Variants in WDR62 observed in about 807,000 individuals in gnomAD.
WDR62 encodes the protein WD repeat domain 62, also known as WD repeat-containing protein 62.
WDR62 carries 112 observed loss-of-function variants against 160.6 expected under a neutral mutation model. The ratio of observed to expected loss-of-function variants is 0.70; its 90% CI spans 0.60 to 0.82. WDR62 has a LOEUF of 0.82. WDR62 is among the 40% of genes least tolerant of loss of function. The pLI, the probability that WDR62 is intolerant of heterozygous loss-of-function variation, is 0.00. For missense variants in WDR62, 1,819 were observed against 1,983.8 expected, an observed-to-expected ratio of 0.92 and a Z score of 1.58; for synonymous variants, 792 against 815.1, an observed-to-expected ratio of 0.97 and a Z score of 0.48.
At chr19:36,078,709 G>A (rs544414026) in intron 9 of WDR62, among the ~76,000 whole-genome samples, 5 of 151,464 alleles carry the variant, frequency 3.3e-5, no homozygotes, top group East Asian at 2.0e-4. Flanking sequence ...GGTGGCGGGC[G>A]CCTGTAATCC....
intron 21 of WDR62, among the ~76,000 whole-genome samples, chr19:36,098,909 G>A (rs1486668428): frequency 1.3e-5 from 2 of 152,096 alleles, no homozygotes; most frequent in African/African-American, 4.8e-5. Context: ...AACATAGTGA[G>A]AGTCCACCTC....
intron 7 of WDR62, among the ~76,000 whole-genome samples, chr19:36,069,582 A>G (rs576563918): frequency 1.3e-5 from 2 of 152,124 alleles, no homozygotes; most frequent in African/African-American, 2.4e-5. Context: ...CACTTCCCAG[A>G]CGGGGTGGCG....
chr19:36,090,179 G>A (rs933385389), intron 15 of WDR62, among the ~76,000 whole-genome samples: 2 of 152,212 alleles, frequency 1.3e-5, no homozygotes, highest in African/African-American at 4.8e-5. Flanking sequence ...GCAAAGCAGT[G>A]CAAAGAGGCT....
chr19:36,067,818 G>A lies in WDR62; in HGVS notation c.700-10G>A, dbSNP rs1306624643. ...GGACAAGTATCTCACTACGCCCTCT[G>A]TGTCTCCAGGTGACGAGCACAGTGC... On this transcript the variant is annotated splice_polypyrimidine_tract_variant and intron_variant, in intron 6 of 31. Transcript: ENST00000401500. The A allele has an allele frequency of 3.1e-6, 5 of 1,613,624 alleles. No homozygotes were observed. The East Asian group carries it at 1.1e-4, about 36-fold the overall frequency.
intron 9 of WDR62, 58 bp from the exon 10 acceptor site, chr19:36,081,375 C>T: frequency 7.6e-7 from 1 of 1,322,324 alleles, no homozygotes; most frequent in East Asian, 2.4e-5. Context: ...GAAAATGCAA[C>T]AGTAAGTCAT....
chr19:36,101,958 G>A (rs1261407588), intron 25 of WDR62, 56 bp from the exon 26 acceptor site: 8 of 1,612,364 alleles, frequency 5.0e-6, no homozygotes, highest in African/African-American at 2.7e-5. Context: ...TTCAGGTGGC[G>A]TCTGCTGTGA....
At position 36,092,793 on chromosome 19, in the gene WDR62, A is replaced by G. The variant is rs2145796413; in HGVS notation, c.2315A>G (p.Lys772Arg). The G allele has an allele frequency of 3.7e-6, 6 of 1,614,072 alleles. No homozygotes were observed. The highest frequency in any genetic ancestry group is 5.1e-6 in the Non-Finnish European group (6 of 1,179,992). The change falls in exon 19 of 32, where the codon AAG becomes AGG. Residue 772 changes from lysine (K) to arginine (R), a missense_variant. This residue lies in a region of WDR62 where 934 missense variants were observed against 1,157.2 expected (regional missense o/e 0.81). Coordinates refer to ENST00000401500, the MANE Select transcript of WDR62 (RefSeq NM_001083961.2). ...CAGCAGCAGCACACAAATGACAAGA[A>G]GCGGAGTGGCCACCCCAGGTCCTGG... ...RQQQQHTNDK[K>R]RSGHPRQDTY...
At chr19:36,084,441 GCTGCTGC>G (rs1289411645) in intron 11 of WDR62, among the ~76,000 whole-genome samples, 1 of 152,148 alleles carries the variant, frequency 6.6e-6, no homozygotes, top group Non-Finnish European at 1.5e-5. Context: ...ACCACAAGGG[GCTGCTGC>G]CTGCTGAGGT....
chr19:36,100,144 C>G (rs192690154), intron 22 of WDR62, among the ~76,000 whole-genome samples: 4 of 152,294 alleles, frequency 2.6e-5, no homozygotes. Flanking sequence ...ATGGTAATAA[C>G]AATCTCTTCT....
rs772489868 is a variant in WDR62 at position 36,104,771 on chromosome 19, G to C, written c.4315G>C (p.Val1439Leu). Reference protein sequence around the residue: ...QEALDLYRVLVSSGQVDTGQQ... With the variant: ...QEALDLYRVLLSSGQVDTGQQ... ...ACAAGGCTGGCATCCCTTGCAGTTG[G>C]TCTCCAGTGGCCAGGTGGACACCGG... The change falls in exon 32 of 32, where the codon GTC becomes CTC. Residue 1439 changes from valine to leucine, a missense_variant. Val to Leu is a conservative substitution (Grantham distance 32, BLOSUM62 1). Transcript: ENST00000401500. The C allele has an allele frequency of 1.9e-6, 3 of 1,613,724 alleles. No homozygotes were observed. The highest frequency in any genetic ancestry group is 2.5e-6 in the Non-Finnish European group (3 of 1,180,026).
Position 36,083,057 on chromosome 19 carries a change from C to T in WDR62, c.1372-6C>T. On this transcript the variant is annotated splice_region_variant and splice_polypyrimidine_tract_variant and intron_variant, in intron 10 of 31. Transcript: ENST00000401500. ...CGTGCTGACCTCAGCCCTGTCCTTCCTGCAGACCCTGCTGAAGGTCGTGTA... is the reference window on the plus strand; with the variant it reads ...CGTGCTGACCTCAGCCCTGTCCTTCTTGCAGACCCTGCTGAAGGTCGTGTA... The T allele has an allele frequency of 1.2e-6, 2 of 1,610,016 alleles. No homozygotes were observed. The highest frequency in any genetic ancestry group is 2.2e-5 in the South Asian group (2 of 90,074).
rs534421300 is a variant in WDR62 at position 36,091,039 on chromosome 19, C to T, written c.2035-161C>T. On this transcript the variant is annotated intron_variant, in intron 16 of 31. Coordinates refer to ENST00000401500, the MANE Select transcript of WDR62 (RefSeq NM_001083961.2). ...GGCCTGGCTACTGTTGTTACTGCTG[C>T]GGTGGTTGTTAATTTCTTCACGTGT... Among the ~76,000 whole-genome samples the T allele has an allele frequency of 1.2e-4, 19 of 152,370 alleles. No individual in the cohort carries two copies. In the South Asian group the frequency reaches 2.1e-3, roughly 17 times the overall value.
At chr19:36,066,190 G>A in intron 4 of WDR62, 67 bp from the exon 5 acceptor site, 2 of 1,610,544 alleles carry the variant, frequency 1.2e-6, no homozygotes, top group South Asian at 2.2e-5. Context: ...GCCATCTTCG[G>A]CCTTGACAAC....
At chr19:36,076,341 C>G (rs1237431605) in intron 9 of WDR62, among the ~76,000 whole-genome samples, 1 of 151,850 alleles carries the variant, frequency 6.6e-6, no homozygotes, top group Admixed American at 6.6e-5. Context: ...GGGAATTACC[C>G]GAGCCCACGA....
chr19:36,062,106 C>G (rs1030206541), intron 3 of WDR62: 2 of 152,040 alleles, frequency 1.3e-5, no homozygotes, highest in African/African-American at 2.4e-5. Context: ...GCCACCATGC[C>G]CAGCTAGTTT....
At chr19:36,106,868 C>T (rs1198536338), downstream of WDR62, among the ~76,000 whole-genome samples, 5 of 152,316 alleles carry the variant, frequency 3.3e-5, no homozygotes, top group South Asian at 6.2e-4. Context: ...TTATTTCTCA[C>T]GACTCTGCCT....
chr19:36,064,427 C>T (rs865937652), intron 3 of WDR62, among the ~76,000 whole-genome samples: 24 of 152,226 alleles, frequency 1.6e-4, no homozygotes, highest in South Asian at 6.2e-4. Context: ...AGGCGCCCAC[C>T]ACCACGCCTG....
In WDR62 at chr19:36,104,601, G is replaced by A; in HGVS notation, c.4237G>A (p.Glu1413Lys). 6.2e-7 allele frequency: 1 copy of A among 1,613,770 alleles called. No homozygotes were observed. The highest frequency in any genetic ancestry group is 8.5e-7 in the Non-Finnish European group (1 of 1,179,938). ...PVEALPPSPL[E>K]LSRVGNILHR... ...TGAAGCCCTGCCCCCATCTCCCCTTGAGCTGAGCAGGGTGGGGAACATCTT... is the reference window on the plus strand; with the variant it reads ...TGAAGCCCTGCCCCCATCTCCCCTTAAGCTGAGCAGGGTGGGGAACATCTT... The change falls in exon 31 of 32, where the codon GAG becomes AAG. Residue 1413 changes from glutamate to lysine, a missense_variant. Around this residue, in one of 3 missense-constraint regions of WDR62, gnomAD observed 770 missense variants for 734.2 expected, o/e 1.05. Coordinates refer to ENST00000401500, the MANE Select transcript of WDR62 (RefSeq NM_001083961.2).
At chr19:36,084,061 C>T (rs918700617) in intron 11 of WDR62, among the ~76,000 whole-genome samples, 1 of 152,050 alleles carries the variant, frequency 6.6e-6, no homozygotes, top group Non-Finnish European at 1.5e-5. Flanking sequence ...AGTGCTCTTC[C>T]CCCTTGGTGG....
Sources: allele counts gnomAD v4.1 joint callset (sites outside exome capture counted in the v4.1 genomes callset), GRCh38; gene constraint gnomAD v4.1.1; regional missense constraint gnomAD v4.1.1; transcripts MANE v1.5; gene names NCBI Gene and HGNC (gene_info 2026-07-23, HGNC 2026-07-21).